Variants in FLT4 observed in about 807,000 individuals in gnomAD.
FLT4 encodes vascular endothelial growth factor receptor 3.
A neutral mutation model predicts 163.2 loss-of-function variants in FLT4; 30 were observed. That is an observed-to-expected ratio of 0.18 (90% confidence interval 0.14 to 0.25). The LOEUF (loss-of-function observed/expected upper bound fraction) is 0.25, where lower values mean the gene tolerates loss of function less well. Among genes scored for constraint, FLT4 ranks in the 10% least tolerant of loss-of-function variants. The probability of loss-of-function intolerance (pLI) is 1.00; values close to 1 mark genes in which losing one functional copy is unlikely to be tolerated. For synonymous variants in FLT4, 884 were observed against 789.5 expected (o/e 1.12, Z -2.01); for missense variants, 1,510 against 1,863.8 (o/e 0.81, Z 3.50).
upstream of FLT4, among the ~76,000 whole-genome samples, chr5:180,650,058 G>A (rs886892213): frequency 2.7e-5 from 4 of 150,868 alleles, no homozygotes; most frequent in African/African-American, 9.8e-5. Flanking sequence ...TTGGTTGTGC[G>A]CGCCTGTAAT....
intron 9 of FLT4, 36 bp downstream of exon 9, chr5:180,626,075 G>A (rs779493113): frequency 1.9e-4 from 300 of 1,612,566 alleles, no homozygotes; most frequent in Non-Finnish European, 2.5e-4. Flanking sequence ...CCAATGCCAG[G>A]CCGCCCACCC....
rs762374955 is a variant in FLT4 at position 180,631,714 on chromosome 5, G to A, written c.123C>T (p.Ile41=). The A allele has an allele frequency of 3.0e-5, 48 of 1,610,500 alleles. No homozygotes were observed. In the African/African-American group the frequency reaches 3.2e-4, roughly 11 times the overall value. The change falls in exon 2 of 30, where the codon ATC becomes ATT. Residue 41 remains isoleucine (I), a synonymous_variant. Coordinates refer to ENST00000261937, the MANE Select transcript of FLT4 (RefSeq NM_182925.5). ...TLNITEESHV[I]DTGDSLSISC... is the part of the protein sequence containing the mutation. ...AGATGGACAGGCTGTCACCGGTGTC[G>A]ATGACGTGTGACTCCTCCGTGATGT...
rs1465682773 is a variant in FLT4 at position 180,620,767 on chromosome 5, C to T, written c.2300-52G>A. On this transcript the variant is annotated intron_variant, in intron 15 of 29. Transcript: ENST00000261937. The surrounding 1 kb of genome is among the most constrained non-coding windows in gnomAD (Gnocchi z 4.4). ...GTGTGTGTGTGTGTGTAAGAGCGTG[C>T]ACCTGCAGGCAGCACCCCTTCTGGT... 2.5e-6 allele frequency: 4 copies of T among 1,592,328 alleles called. No individual in the cohort carries two copies. The highest frequency in any genetic ancestry group is 3.4e-6 in the Non-Finnish European group (4 of 1,162,652).
intron 21 of FLT4, 104 bp from the exon 22 acceptor site, chr5:180,617,098 C>T (rs1762750990): frequency 2.4e-6 from 2 of 832,786 alleles, no homozygotes; most frequent in African/African-American, 1.7e-5. Flanking sequence ...TCTCCTGCCC[C>T]TCAGACTCTG....
chr5:180,623,876 G>A lies in FLT4; in HGVS notation c.1548+59C>T. 1 of 1,602,946 alleles carries A rather than the reference G, an allele frequency of 6.2e-7. No homozygotes were observed. Among genetic ancestry groups the A allele is most frequent in the African/African-American group, 1.3e-5 (1 of 74,866 alleles). ...AGGTGGAAACCACATGGCAGTAATG[G>A]CCTCTCTCTCCTCCCTTCTCCTTCT... is the stretch of plus-strand genomic sequence containing the variant. On this transcript the variant is annotated intron_variant, in intron 11 of 29. Transcript: ENST00000261937. The surrounding 1 kb of genome is among the most constrained non-coding windows in gnomAD (Gnocchi z 5.8).
rs12719871 is a variant in FLT4 at position 180,630,504 on chromosome 5, G to A, written c.400+51C>T. 0.36 allele frequency: 584,535 copies of A among 1,606,738 alleles called. 112,102 individuals carry two copies. Among genetic ancestry groups the A allele is most frequent in the Middle Eastern group, 0.43 (2,575 of 5,996 alleles). On this transcript the variant is annotated intron_variant, in intron 3 of 29. Transcript: ENST00000261937. This position sits in a 1 kb window ranked among gnomAD's most constrained non-coding sequence, Gnocchi z 6.3. ...GGTCCACAGGCTGGGGGCGGTGTGGGCCCCAGCTGCCCGGGACCCTGCTCC... is the reference window on the plus strand; with the variant it reads ...GGTCCACAGGCTGGGGGCGGTGTGGACCCCAGCTGCCCGGGACCCTGCTCC...
chr5:180,618,401 T>G (rs449774), intron 21 of FLT4, among the ~76,000 whole-genome samples: 1 of 84,814 alleles, frequency 1.2e-5, no homozygotes. Context: ...CCTCTCCTGC[T>G]CCTCAGCCTC....
At chr5:180,640,760 G>A (rs540947168) in intron 1 of FLT4, among the ~76,000 whole-genome samples, 6 of 152,158 alleles carry the variant, frequency 3.9e-5, no homozygotes, top group African/African-American at 7.2e-5. Context: ...TGCGTGTCCT[G>A]CGTCCCTTGT....
intron 8 of FLT4, among the ~76,000 whole-genome samples, chr5:180,628,456 A>G (rs775719550): frequency 2.0e-5 from 3 of 152,206 alleles, no homozygotes; most frequent in Non-Finnish European, 2.9e-5. Flanking sequence ...CAATCTGTCA[A>G]TTCCCTGTGG....
Position 180,611,283 on chromosome 5 carries a change from C to G in FLT4, c.3686+48G>C, listed in dbSNP as rs772016197. ...CGCAGAGGGATAAAATGCACCTTGT[C>G]CACATGGCTTTCTCCCACCCTACTC... On this transcript the variant is annotated intron_variant, in intron 27 of 29. Transcript: ENST00000261937. 8 of 1,608,026 alleles carry G rather than the reference C, an allele frequency of 5.0e-6. No homozygotes were observed. In the Admixed American group the frequency reaches 1.0e-4, roughly 20 times the overall value.
chr5:180,604,883 C>T (rs373986799), intron 29 of FLT4, among the ~76,000 whole-genome samples: 8 of 152,212 alleles, frequency 5.3e-5, no homozygotes, highest in East Asian at 3.8e-4. Context: ...CCTCTTTTCA[C>T]GTCCATCCTC....
In FLT4 at chr5:180,603,660, GCT is replaced by G. The variant is rs1241722338; in HGVS notation, c.3894-272_3894-271del. 3.9e-5 allele frequency among the ~76,000 whole-genome samples: 6 copies of G among 152,124 alleles called. 1 individual carries two copies. The highest frequency in any genetic ancestry group is 1.3e-4 in the Admixed American group (2 of 15,252). On this transcript the variant is annotated intron_variant, in intron 29 of 29. Transcript: ENST00000261937. ...CTCATGCCTGTAATCCCAGCACTTT[GCT>G]GGGAGACCGAGGCGGGCGGATCACG...
chr5:180,629,116 C>T, intron 7 of FLT4, 117 bp from the exon 8 acceptor site: 1 of 1,438,788 alleles, frequency 7.0e-7, no homozygotes, highest in Non-Finnish European at 9.8e-7. Context: ...TGGGGCTGGC[C>T]ATGCCGCCCG....
chr5:180,649,261 C>T (rs1376542512), intron 1 of FLT4, among the ~76,000 whole-genome samples: 1 of 151,820 alleles, frequency 6.6e-6, no homozygotes, highest in Non-Finnish European at 1.5e-5. Flanking sequence ...CGCCGAGGCG[C>T]GGCCCGGCCG....
Position 180,613,540 on chromosome 5 carries a change from C to T in FLT4, c.3332-430G>A, listed in dbSNP as rs377617804. 2.5e-4 allele frequency: 61 copies of T among 240,514 alleles called. No individual in the cohort carries two copies. The East Asian group carries it at 5.5e-3, about 22-fold the overall frequency. The allele number at this position is 240,514 out of a possible 1,614,324, so 14.9% of individuals were successfully genotyped here. A position where few individuals can be genotyped will look rare whatever the true frequency, so the allele number is the denominator to read the frequency against. On this transcript the variant is annotated intron_variant, in intron 24 of 29. Coordinates refer to ENST00000261937, the MANE Select transcript of FLT4 (RefSeq NM_182925.5). The stretch of plus-strand genomic sequence containing the variant: ...GCTCCTCCCAACCCCTGCTGCTCCC[C>T]GTCCTGGACTGCTGAACTCCCTCCT...
chr5:180,624,929 GCATACAGGTGGCACAC>G (rs1763481475), intron 10 of FLT4, among the ~76,000 whole-genome samples: 1 of 152,258 alleles, frequency 6.6e-6, no homozygotes, highest in Non-Finnish European at 1.5e-5. Flanking sequence ...TTGGCACAGA[GCATACAGGTGGCACAC>G]CCAGAAGGAA....
Position 180,630,839 on chromosome 5 carries a change from G to C in FLT4, c.156-40C>G, listed in dbSNP as rs769314058. ...GAGTGGTCAGGTGGGCCCCAGGGCA[G>C]CCCATGGGGACTGTCCCTGAGAAGC... is the stretch of plus-strand genomic sequence containing the variant. On this transcript the variant is annotated intron_variant, in intron 2 of 29. Coordinates refer to ENST00000261937, the MANE Select transcript of FLT4 (RefSeq NM_182925.5). This position sits in a 1 kb window ranked among gnomAD's most constrained non-coding sequence, Gnocchi z 6.3. The C allele has an allele frequency of 6.4e-7, 1 of 1,571,198 alleles. No homozygotes were observed. Among genetic ancestry groups the C allele is most frequent in the African/African-American group, 1.3e-5 (1 of 74,296 alleles).
Position 180,649,503 on chromosome 5 carries a change from G to A in FLT4, c.43C>T (p.Leu15=), listed in dbSNP as rs1450223593. The change falls in exon 1 of 30, where the codon CTG becomes TTG. Residue 15 remains leucine, a synonymous_variant. Transcript: ENST00000261937. Reference sequence around the variant, plus strand: ...CCGCGCTCACCGTCCAGGAGTCCCAGGCAGAGCCACAGTCGCAGGCACAGC... The same window carrying A: ...CCGCGCTCACCGTCCAGGAGTCCCAAGCAGAGCCACAGTCGCAGGCACAGC... ...AALCLRLWLC[L]GLLDGLVSGY... The A allele has an allele frequency of 1.4e-6, 2 of 1,459,904 alleles. No homozygotes were observed. Among genetic ancestry groups the A allele is most frequent in the Non-Finnish European group, 1.8e-6 (2 of 1,108,772 alleles). 90.4% of individuals were successfully genotyped at this position (1,459,904 alleles called of 1,614,324 possible).
At chr5:180,619,428 C>CGCTTAGCTAAGGCACAGCT in intron 18 of FLT4, 62 bp from the exon 19 acceptor site, 1 of 1,090,770 alleles carries the variant, frequency 9.2e-7, no homozygotes, top group Non-Finnish European at 1.3e-6. Flanking sequence ...CCCCGCCACC[C>CGCTTAGCTAAGGCACAGCT]GGCGCTTTTG....
Sources: allele counts gnomAD v4.1 joint callset (sites outside exome capture counted in the v4.1 genomes callset), GRCh38; gene constraint gnomAD v4.1.1; non-coding constraint Gnocchi (gnomAD v3.1); transcripts MANE v1.5; gene names NCBI Gene and HGNC (gene_info 2026-07-23, HGNC 2026-07-21).